Variants in MTHFD2L observed in about 807,000 individuals in gnomAD.
MTHFD2L encodes the protein bifunctional methylenetetrahydrofolate dehydrogenase/cyclohydrolase 2, mitochondrial.
MTHFD2L carries 29 observed loss-of-function variants against 34.9 expected under a neutral mutation model. The ratio of observed to expected loss-of-function variants is 0.83; its 90% CI spans 0.62 to 1.13. MTHFD2L has a LOEUF of 1.13. Among genes scored for constraint, MTHFD2L ranks in the 50% most tolerant of loss-of-function variants. The pLI, the probability that MTHFD2L is intolerant of heterozygous loss-of-function variation, is 0.00. For synonymous variants in MTHFD2L, 167 were observed against 155.7 expected (o/e 1.07, Z -0.54); for missense variants, 481 against 446.5 (o/e 1.08, Z -0.70).
At chr4:74,121,155 A>G (rs143016110), upstream of MTHFD2L, among the ~76,000 whole-genome samples, 5 of 152,298 alleles carry the variant, frequency 3.3e-5, no homozygotes, top group Non-Finnish European at 7.4e-5. Flanking sequence ...TTTAAGCATT[A>G]TTTTCTAACT....
At chr4:74,142,360 G>C (rs891713075) in intron 1 of MTHFD2L, among the ~76,000 whole-genome samples, 1 of 152,172 alleles carries the variant, frequency 6.6e-6, no homozygotes, top group Non-Finnish European at 1.5e-5. Flanking sequence ...GGCTATGAGA[G>C]TGGAGCTCTC....
rs548140403 is a variant in MTHFD2L at position 74,189,600 on chromosome 4, T to C, written c.452-10194T>C. On this transcript the variant is annotated intron_variant, in intron 3 of 7. Coordinates refer to ENST00000325278, the MANE Select transcript of MTHFD2L (RefSeq NM_001144978.3). Reference sequence around the variant, plus strand: ...ATTGGTTGGTGTCTATAGCCACTTATGTCTCTCTCTCTCATTCATATTCAT... The same window carrying C: ...ATTGGTTGGTGTCTATAGCCACTTACGTCTCTCTCTCTCATTCATATTCAT... Among the ~76,000 whole-genome samples the C allele has an allele frequency of 3.3e-5, 5 of 151,578 alleles. No individual in the cohort carries two copies. The East Asian group carries it at 5.8e-4, about 18-fold the overall frequency.
At chr4:74,269,706 A>G (rs1347975845) in intron 6 of MTHFD2L, among the ~76,000 whole-genome samples, 5 of 152,168 alleles carry the variant, frequency 3.3e-5, no homozygotes, top group Admixed American at 6.5e-5. Flanking sequence ...CTGATTTTCT[A>G]TCTTCTGAAA....
intron 2 of MTHFD2L, among the ~76,000 whole-genome samples, chr4:74,116,419 T>G (rs745921907): frequency 6.6e-6 from 1 of 152,030 alleles, no homozygotes; most frequent in Non-Finnish European, 1.5e-5. Flanking sequence ...AGGAGAACTG[T>G]AAAGAAATAA....
chr4:74,287,699 A>G (rs943166400), intron 7 of MTHFD2L, among the ~76,000 whole-genome samples: 2 of 152,206 alleles, frequency 1.3e-5, no homozygotes, highest in South Asian at 4.1e-4. Context: ...GTGAGCCGAG[A>G]TCGTGCCACT....
intron 5 of MTHFD2L, among the ~76,000 whole-genome samples, chr4:74,203,515 C>T (rs1435726391): frequency 1.3e-5 from 2 of 152,144 alleles, no homozygotes; most frequent in Non-Finnish European, 2.9e-5. Flanking sequence ...GTACTAGAAG[C>T]ATGGAGGCAT....
intron 1 of MTHFD2L, among the ~76,000 whole-genome samples, chr4:74,138,119 G>A (rs538825934): frequency 3.3e-5 from 5 of 149,382 alleles, no homozygotes; most frequent in South Asian, 2.2e-4. Context: ...AAGTAAATTC[G>A]GCCTTACCTT....
chr4:74,250,761 C>T (rs1398231269), intron 6 of MTHFD2L, among the ~76,000 whole-genome samples: 3 of 152,046 alleles, frequency 2.0e-5, no homozygotes, highest in Non-Finnish European at 4.4e-5. Context: ...TGCTTCAACC[C>T]CTTCATAACT....
intron 7 of MTHFD2L, among the ~76,000 whole-genome samples, chr4:74,299,015 C>A (rs902901660): frequency 6.6e-6 from 1 of 151,852 alleles, no homozygotes; most frequent in African/African-American, 2.4e-5. Flanking sequence ...CAGCATAATT[C>A]TTGGCAAGTA....
intron 1 of MTHFD2L, among the ~76,000 whole-genome samples, chr4:74,140,169 T>C (rs890987521): frequency 3.3e-5 from 5 of 150,382 alleles, no homozygotes; most frequent in African/African-American, 4.9e-5. Flanking sequence ...GCTGACATGG[T>C]GGCACATGCC....
intron 1 of MTHFD2L, among the ~76,000 whole-genome samples, chr4:74,139,115 T>C (rs1238067797): frequency 6.6e-6 from 1 of 152,190 alleles, no homozygotes; most frequent in African/African-American, 2.4e-5. Context: ...GCATAGACAG[T>C]CTTTGTAATT....
chr4:74,251,736 C>T (rs1199051519), intron 6 of MTHFD2L, among the ~76,000 whole-genome samples: 4 of 152,188 alleles, frequency 2.6e-5, no homozygotes, highest in Non-Finnish European at 5.9e-5. Context: ...ATCATAGTGC[C>T]ATATTCTATT....
intron 5 of MTHFD2L, among the ~76,000 whole-genome samples, chr4:74,219,928 A>C (rs1474648450): frequency 6.6e-6 from 1 of 152,136 alleles, no homozygotes; most frequent in Non-Finnish European, 1.5e-5. Context: ...AGGGTTTTCC[A>C]CGCAGATTGA....
At chr4:74,248,944 A>T (rs1485052629) in intron 6 of MTHFD2L, among the ~76,000 whole-genome samples, 5 of 150,630 alleles carry the variant, frequency 3.3e-5, no homozygotes, top group African/African-American at 1.2e-4. Flanking sequence ...GTGCTGAAAA[A>T]AATGTATATT....
At chr4:74,245,194 C>CAAAAAAAA (rs57639523) in intron 6 of MTHFD2L, among the ~76,000 whole-genome samples, 3 of 66,362 alleles carry the variant, frequency 4.5e-5, no homozygotes, top group African/African-American at 6.4e-5. Flanking sequence ...GACTCAGTCT[C>CAAAAAAAA]AAAAAAAAAA....
chr4:74,161,114 C>A (rs753666766), intron 1 of MTHFD2L: 1 of 152,050 alleles, frequency 6.6e-6, no homozygotes, highest in Non-Finnish European at 1.5e-5. Context: ...GAAGTTTCAC[C>A]TTTCTTTGTG....
chr4:74,157,178 G>C (rs1187899398), upstream of MTHFD2L: 1 of 156,604 alleles, frequency 6.4e-6, no homozygotes, highest in African/African-American at 2.4e-5. Context: ...GATCAGCCAG[G>C]AAAGAGTAGG....
At chr4:74,289,753 A>G (rs1279582161) in intron 7 of MTHFD2L, among the ~76,000 whole-genome samples, 2 of 152,130 alleles carry the variant, frequency 1.3e-5, no homozygotes, top group East Asian at 3.9e-4. Flanking sequence ...GAGAGTTGGA[A>G]TGATTGGTTA....
At chr4:74,204,197 G>A (rs1362235171) in intron 5 of MTHFD2L, among the ~76,000 whole-genome samples, 1 of 152,084 alleles carries the variant, frequency 6.6e-6, no homozygotes, top group East Asian at 1.9e-4. Flanking sequence ...GTGATCTCGG[G>A]CAAGTCATTT....
Sources: allele counts gnomAD v4.1 joint callset (sites outside exome capture counted in the v4.1 genomes callset), GRCh38; gene constraint gnomAD v4.1.1; transcripts MANE v1.5; gene names NCBI Gene and HGNC (gene_info 2026-07-23, HGNC 2026-07-21).